The following TPRG1 variants were observed in gnomAD, a reference collection of about 807,000 sequenced individuals.
TPRG1 encodes the protein tumor protein p63-regulated gene 1 protein.
Under a neutral mutation model 29.3 loss-of-function variants are expected in TPRG1, and 29 were observed. That is an observed-to-expected ratio of 0.99 (90% CI 0.74 to 1.35). The LOEUF (loss-of-function observed/expected upper bound fraction) is 1.35. TPRG1 is among the 40% of genes most tolerant of loss of function. TPRG1 has a pLI of 0.00. For missense variants in TPRG1, 327 were observed against 335.0 expected (o/e 0.98, Z 0.19); for synonymous variants, 130 against 116.8 (o/e 1.11, Z -0.73).
At chr3:189,289,235 G>T (rs766653184) in intron 4 of TPRG1, among the ~76,000 whole-genome samples, 1 of 152,056 alleles carries the variant, frequency 6.6e-6, no homozygotes, top group Non-Finnish European at 1.5e-5. Flanking sequence ...TTATGAGGAT[G>T]GCCTCATTAT....
chr3:189,157,712 C>A (rs563603893), intron 5 of TPRG1, among the ~76,000 whole-genome samples: 1 of 152,270 alleles, frequency 6.6e-6, no homozygotes, highest in East Asian at 1.9e-4. Flanking sequence ...AAGCAGAACA[C>A]CATGCTGTTG....
At chr3:189,182,387 TAAAA>T (rs1290621809) in intron 1 of TPRG1, among the ~76,000 whole-genome samples, 1 of 152,290 alleles carries the variant, frequency 6.6e-6, no homozygotes, top group East Asian at 1.9e-4. Flanking sequence ...GCTCATAACT[TAAAA>T]AAAGTAGTCC....
At chr3:189,186,991 T>TTTG (rs201638259) in intron 1 of TPRG1, among the ~76,000 whole-genome samples, 37 of 130,368 alleles carry the variant, frequency 2.8e-4, no homozygotes, top group African/African-American at 5.1e-4. Flanking sequence ...AAGTGTTTTT[T>TTTG]TTTTTTTTTT....
intron 1 of TPRG1, among the ~76,000 whole-genome samples, chr3:189,113,763 T>TG (rs1327701803): frequency 6.7e-6 from 1 of 150,082 alleles, no homozygotes; most frequent in African/African-American, 2.5e-5. Flanking sequence ...CTCTGGGGAC[T>TG]GTTGTGGGGT....
intron 3 of TPRG1, among the ~76,000 whole-genome samples, chr3:189,135,083 G>A (rs994197547): frequency 5.3e-5 from 8 of 152,248 alleles, no homozygotes; most frequent in Admixed American, 6.5e-5. Context: ...GCTCTTCTTT[G>A]CGGTCAGTAC....
At chr3:189,225,219 T>C (rs985873111) in intron 3 of TPRG1, among the ~76,000 whole-genome samples, 3 of 152,150 alleles carry the variant, frequency 2.0e-5, no homozygotes, top group East Asian at 1.9e-4. Context: ...GCGTGAGCCA[T>C]CACGCCCTGC....
At chr3:189,165,118 G>A (rs950422384) in intron 5 of TPRG1, among the ~76,000 whole-genome samples, 1 of 152,132 alleles carries the variant, frequency 6.6e-6, no homozygotes, top group African/African-American at 2.4e-5. Context: ...CCAGCTATGA[G>A]GATTTGGGAT....
At chr3:189,078,582 G>A (rs751669055) in intron 4 of TPRG1, among the ~76,000 whole-genome samples, 31 of 152,194 alleles carry the variant, frequency 2.0e-4, no homozygotes, top group Non-Finnish European at 4.3e-4. Context: ...CTAGACTGCA[G>A]TCTAAATTGT....
intron 4 of TPRG1, among the ~76,000 whole-genome samples, chr3:189,063,169 A>T (rs1017788072): frequency 1.3e-5 from 2 of 152,150 alleles, no homozygotes; most frequent in Non-Finnish European, 2.9e-5. Context: ...AAAAAGTCAC[A>T]TTACATAATA....
intron 4 of TPRG1, among the ~76,000 whole-genome samples, chr3:189,302,301 C>T (rs1346269886): frequency 6.6e-6 from 1 of 152,086 alleles, no homozygotes; most frequent in African/African-American, 2.4e-5. Context: ...TTTTTTGATA[C>T]CTTTAACTAT....
intron 3 of TPRG1, among the ~76,000 whole-genome samples, chr3:189,145,048 G>A (rs1212695057): frequency 6.6e-6 from 1 of 152,112 alleles, no homozygotes; most frequent in Non-Finnish European, 1.5e-5. Flanking sequence ...AAGATTATCT[G>A]GAAGAGGGAA....
chr3:189,262,254 A>G (rs113768261), intron 4 of TPRG1, among the ~76,000 whole-genome samples: 25 of 144,116 alleles, frequency 1.7e-4, no homozygotes, highest in African/African-American at 6.4e-4. Flanking sequence ...AAGTATAAGT[A>G]TAAGACTTGG....
At chr3:189,200,968 A>G (rs914568480) in intron 1 of TPRG1, among the ~76,000 whole-genome samples, 1 of 152,188 alleles carries the variant, frequency 6.6e-6, no homozygotes, top group African/African-American at 2.4e-5. Flanking sequence ...AAAAATCTGG[A>G]GGAAACTAGC....
intron 3 of TPRG1, chr3:189,217,957 A>G (rs1736322457): frequency 1.3e-5 from 13 of 985,306 alleles, no homozygotes; most frequent in Non-Finnish European, 1.6e-5. Flanking sequence ...CAGCAACCAC[A>G]AAACAAAAAA....
chr3:189,071,067 G>GAAA (rs74731300), intron 4 of TPRG1, among the ~76,000 whole-genome samples: 1 of 76,166 alleles, frequency 1.3e-5, no homozygotes, highest in Admixed American at 1.5e-4. Context: ...CAAAGAAAAA[G>GAAA]AAAAAAAAAA....
rs1577065934 is a variant in TPRG1 at position 189,322,652 on chromosome 3, C to T, written c.*1832C>T. On this transcript the variant is annotated 3_prime_UTR_variant, in exon 6 of 6. Coordinates refer to ENST00000345063, the MANE Select transcript of TPRG1 (RefSeq NM_198485.4). The stretch of plus-strand genomic sequence containing the variant: ...GATAGTGGCATTTATTGGCAGAAGC[C>T]TCTGAAATGTCCAGCACATTCTTTT... 2.6e-5 allele frequency: 4 copies of T among 152,638 alleles called. No homozygotes were observed. Among genetic ancestry groups the T allele is most frequent in the Admixed American group, 2.6e-4 (4 of 15,264 alleles). 9.5% of individuals were successfully genotyped at this position (152,638 alleles called of 1,614,324 possible). A position where few individuals can be genotyped will look rare whatever the true frequency, so the allele number is the denominator to read the frequency against.
intron 1 of TPRG1, among the ~76,000 whole-genome samples, chr3:189,180,818 G>A (rs1305449026): frequency 6.6e-6 from 1 of 152,198 alleles, no homozygotes; most frequent in African/African-American, 2.4e-5. Flanking sequence ...TAGGGATTCT[G>A]TGTGGGGACT....
intron 1 of TPRG1, among the ~76,000 whole-genome samples, chr3:189,183,659 A>G (rs992727559): frequency 2.6e-5 from 4 of 151,936 alleles, no homozygotes; most frequent in African/African-American, 9.7e-5. Flanking sequence ...GAATTTAGTG[A>G]TATTCCTCCC....
At chr3:189,306,596 T>C (rs1428709023) in intron 4 of TPRG1, among the ~76,000 whole-genome samples, 1 of 152,240 alleles carries the variant, frequency 6.6e-6, no homozygotes, top group Non-Finnish European at 1.5e-5. Flanking sequence ...CTTGACTTGA[T>C]GATCTGATTA....
Sources: gnomAD v4.1 joint callset for allele counts (sites outside exome capture counted in the v4.1 genomes callset) on GRCh38, gnomAD v4.1.1 for gene constraint, MANE v1.5 for transcripts, NCBI Gene and HGNC (gene_info 2026-07-23, HGNC 2026-07-21) for gene names.